The following COX7B2 variants were observed in gnomAD, a reference collection of about 807,000 sequenced individuals.
The protein encoded by COX7B2 is cytochrome c oxidase subunit 7B2.
For missense variants in COX7B2, 109 were observed against 95.9 expected (o/e 1.14, Z -0.57); for synonymous variants, 37 against 32.1 (o/e 1.15, Z -0.51).
At chr4:46,859,431 G>C (rs923425843) in intron 1 of COX7B2, among the ~76,000 whole-genome samples, 1 of 152,088 alleles carries the variant, frequency 6.6e-6, no homozygotes, top group African/African-American at 2.4e-5. Flanking sequence ...TCTTGATGAA[G>C]GAGCTTTCAC....
At chr4:46,826,315 TGA>T (rs901577150) in intron 2 of COX7B2, among the ~76,000 whole-genome samples, 21 of 152,032 alleles carry the variant, frequency 1.4e-4, no homozygotes, top group African/African-American at 5.1e-4. Context: ...AAAAGCACAA[TGA>T]GATACCATCT....
chr4:46,878,347 A>G (rs1000560556), intron 1 of COX7B2, among the ~76,000 whole-genome samples: 3 of 152,104 alleles, frequency 2.0e-5, no homozygotes, highest in African/African-American at 7.2e-5. Flanking sequence ...ACTATAGTTC[A>G]TAATATTCTA....
chr4:46,902,740 G>C (rs1720144310), intron 1 of COX7B2, among the ~76,000 whole-genome samples: 1 of 152,164 alleles, frequency 6.6e-6, no homozygotes, highest in Non-Finnish European at 1.5e-5. Context: ...AGCCAGGCAT[G>C]GTGGCACACA....
chr4:46,758,470 A>G lies in COX7B2; in HGVS notation c.-49-23229T>C, dbSNP rs772363162. On this transcript the variant is annotated intron_variant, in intron 2 of 2. Transcript: ENST00000355591. Reference sequence around the variant, plus strand: ...GACAGTCTCTGTGTGCTTTTTATTGATGAAAATTTCATATATTTCCATCAC... The same window carrying G: ...GACAGTCTCTGTGTGCTTTTTATTGGTGAAAATTTCATATATTTCCATCAC... Among the ~76,000 whole-genome samples, 7 of 152,240 alleles carry G rather than the reference A, an allele frequency of 4.6e-5. No homozygotes were observed. The Middle Eastern group carries it at 0.01, about 222-fold the overall frequency.
At chr4:46,870,990 A>G (rs1457708410) in intron 1 of COX7B2, among the ~76,000 whole-genome samples, 1 of 152,066 alleles carries the variant, frequency 6.6e-6, no homozygotes, top group Admixed American at 6.5e-5. Flanking sequence ...AAAAAAAACT[A>G]TTTTAAAATT....
chr4:46,765,865 G>A (rs956245921), intron 2 of COX7B2, among the ~76,000 whole-genome samples: 1 of 152,072 alleles, frequency 6.6e-6, no homozygotes, highest in Non-Finnish European at 1.5e-5. Flanking sequence ...AAGGCTCCAG[G>A]CCTATCCCAG....
chr4:46,897,843 G>T (rs1719851602), intron 1 of COX7B2, among the ~76,000 whole-genome samples: 1 of 152,268 alleles, frequency 6.6e-6, no homozygotes, highest in Non-Finnish European at 1.5e-5. Context: ...AAGTTAATGA[G>T]AATTTATCAG....
intron 2 of COX7B2, among the ~76,000 whole-genome samples, chr4:46,781,545 C>T (rs932289999): frequency 3.9e-5 from 6 of 152,204 alleles, no homozygotes; most frequent in South Asian, 2.1e-4. Context: ...TTGCTCTCAG[C>T]GCCTCCTTGG....
At chr4:46,830,929 C>A (rs116068748) in intron 2 of COX7B2, among the ~76,000 whole-genome samples, 10,824 of 152,318 alleles carry the variant, frequency 0.071, 447 homozygotes, top group South Asian at 0.16. Context: ...GCGTCGGCGC[C>A]CACTCTGGCC....
At chr4:46,744,596 T>C (rs944893915) in intron 2 of COX7B2, among the ~76,000 whole-genome samples, 2 of 152,074 alleles carry the variant, frequency 1.3e-5, no homozygotes, top group Admixed American at 6.6e-5. Context: ...TGACCCCTCA[T>C]TGCATAATTT....
chr4:46,842,192 A>G (rs554808576), intron 2 of COX7B2, among the ~76,000 whole-genome samples: 19 of 152,148 alleles, frequency 1.2e-4, no homozygotes, highest in African/African-American at 4.6e-4. Flanking sequence ...ACAAAACTTC[A>G]TAGAAGAATA....
chr4:46,811,395 T>A lies in COX7B2; in HGVS notation c.-50+33565A>T, dbSNP rs532096103. 3.7e-4 allele frequency among the ~76,000 whole-genome samples: 57 copies of A among 152,076 alleles called. 1 individual carries two copies. The Middle Eastern group carries it at 0.01, about 27-fold the overall frequency. ...AAAGACCTATACTGCAGTTCAAAAA[T>A]TCTTTCTTTTTGATCTTGTCTGCTG... On this transcript the variant is annotated intron_variant, in intron 2 of 2. Coordinates refer to ENST00000355591, the MANE Select transcript of COX7B2 (RefSeq NM_130902.3).
At chr4:46,779,587 C>T (rs548562901) in intron 2 of COX7B2, among the ~76,000 whole-genome samples, 2 of 151,950 alleles carry the variant, frequency 1.3e-5, no homozygotes, top group South Asian at 2.1e-4. Context: ...TTTTTGAATT[C>T]GTTCAGAACC....
intron 2 of COX7B2, among the ~76,000 whole-genome samples, chr4:46,791,600 G>A (rs1334434321): frequency 6.6e-6 from 1 of 152,144 alleles, no homozygotes; most frequent in African/African-American, 2.4e-5. Context: ...AAAGTGTTGG[G>A]CAGCTATTTT....
chr4:46,877,173 T>C (rs1718394417), intron 1 of COX7B2, among the ~76,000 whole-genome samples: 1 of 152,174 alleles, frequency 6.6e-6, no homozygotes, highest in Non-Finnish European at 1.5e-5. Context: ...GAGTGGTAAG[T>C]AGAGGACAAG....
chr4:46,808,899 T>C (rs1560395054), intron 2 of COX7B2, among the ~76,000 whole-genome samples: 1 of 151,844 alleles, frequency 6.6e-6, no homozygotes, highest in Non-Finnish European at 1.5e-5. Flanking sequence ...TCTGTCACGA[T>C]CTTTTTGATG....
At chr4:46,793,764 G>A (rs539546337) in intron 2 of COX7B2, among the ~76,000 whole-genome samples, 1 of 152,190 alleles carries the variant, frequency 6.6e-6, no homozygotes, top group Non-Finnish European at 1.5e-5. Flanking sequence ...AGCCTCATAG[G>A]CCAGATGCTG....
Position 46,734,892 on chromosome 4 carries a change from C to T in COX7B2, c.*55G>A, listed in dbSNP as rs1714259161. On this transcript the variant is annotated 3_prime_UTR_variant, in exon 3 of 3. Coordinates refer to ENST00000355591, the MANE Select transcript of COX7B2 (RefSeq NM_130902.3). ...CTATATTTTAATAAGCAGTAGAGTG[C>T]TTACATGACAAGTTGGTTTTTTAAA... 1.1e-5 allele frequency: 17 copies of T among 1,597,764 alleles called. No individual in the cohort carries two copies. In the South Asian group the frequency reaches 1.7e-4, roughly 16 times the overall value.
intron 1 of COX7B2, among the ~76,000 whole-genome samples, chr4:46,883,219 T>C (rs1415014760): frequency 6.6e-6 from 1 of 152,234 alleles, no homozygotes; most frequent in Non-Finnish European, 1.5e-5. Context: ...TGTTTAACCA[T>C]GAGAAGGACA....
Sources: allele counts gnomAD v4.1 joint callset (sites outside exome capture counted in the v4.1 genomes callset), GRCh38; gene constraint gnomAD v4.1.1; transcripts MANE v1.5; gene names NCBI Gene and HGNC (gene_info 2026-07-23, HGNC 2026-07-21).